FRMD6: variants seen among roughly 807,000 people sequenced by gnomAD.
The protein encoded by FRMD6 is FERM domain-containing protein 6.
Under a neutral mutation model 73.2 loss-of-function variants are expected in FRMD6, and 37 were observed. The observed-to-expected ratio is 0.51, with a 90% confidence interval of 0.39 to 0.66. The LOEUF is 0.66. FRMD6 is among the 30% of genes least tolerant of loss of function. The pLI is 0.00. For missense variants in FRMD6, 714 were observed against 780.5 expected, an observed-to-expected ratio of 0.91 and a Z score of 1.02; for synonymous variants, 273 against 282.2, an observed-to-expected ratio of 0.97 and a Z score of 0.33.
At chr14:51,682,626 C>G (rs545457401) in intron 1 of FRMD6, among the ~76,000 whole-genome samples, 128 of 152,286 alleles carry the variant, frequency 8.4e-4, no homozygotes, top group African/African-American at 2.9e-3. Context: ...AATCAGGATT[C>G]TTTCTGAGCT....
chr14:51,433,650 G>C, the FRMD6 span, among the ~76,000 whole-genome samples: 1 of 152,204 alleles, frequency 6.6e-6, no homozygotes, highest in Non-Finnish European at 1.5e-5. Context: ...GGAGTAACGA[G>C]ATTGGTTACC....
chr14:51,430,179 G>A, the FRMD6 span, among the ~76,000 whole-genome samples: 6 of 152,170 alleles, frequency 3.9e-5, no homozygotes, highest in Admixed American at 2.0e-4. Context: ...ATAGAGTAAT[G>A]AAATTCATGA....
chr14:51,488,615 C>A (rs1355322564), upstream of FRMD6, among the ~76,000 whole-genome samples: 2 of 152,180 alleles, frequency 1.3e-5, no homozygotes, highest in African/African-American at 4.8e-5. Flanking sequence ...TTCTTAAATA[C>A]TGTATTTCAT....
chr14:51,528,927 C>T (rs1885419133), intron 1 of FRMD6, among the ~76,000 whole-genome samples: 1 of 152,172 alleles, frequency 6.6e-6, no homozygotes, highest in Non-Finnish European at 1.5e-5. Context: ...AGAGCTTTCC[C>T]ATCAAAGGGT....
intron 1 of FRMD6, among the ~76,000 whole-genome samples, chr14:51,562,593 C>T (rs577894738): frequency 6.6e-5 from 10 of 152,224 alleles, no homozygotes; most frequent in African/African-American, 2.4e-4. Context: ...AAGAGCATTC[C>T]CTCACTCCAA....
chr14:51,698,565 T>A (rs1056527698), intron 3 of FRMD6, among the ~76,000 whole-genome samples: 1 of 152,146 alleles, frequency 6.6e-6, no homozygotes, highest in Non-Finnish European at 1.5e-5. Flanking sequence ...AGGGAGCAGC[T>A]GGAATACTTA....
At chr14:51,458,914 C>G in the FRMD6 span, among the ~76,000 whole-genome samples, 1 of 152,218 alleles carries the variant, frequency 6.6e-6, no homozygotes, top group East Asian at 1.9e-4. Context: ...AAGGCTGTGA[C>G]TTAGTGGCTT....
chr14:51,500,713 C>T (rs1283556737), intron 1 of FRMD6, among the ~76,000 whole-genome samples: 2 of 152,008 alleles, frequency 1.3e-5, no homozygotes, highest in Non-Finnish European at 2.9e-5. Flanking sequence ...AGTTAAGGAA[C>T]CCTGAAGGCC....
chr14:51,672,510 T>TA (rs1465073736), intron 1 of FRMD6, among the ~76,000 whole-genome samples: 2 of 152,192 alleles, frequency 1.3e-5, no homozygotes, highest in Non-Finnish European at 2.9e-5. Flanking sequence ...ATTAAAAATG[T>TA]AAAAAGACTG....
chr14:51,652,792 T>TA (rs1244343856), intron 1 of FRMD6, among the ~76,000 whole-genome samples: 2 of 152,150 alleles, frequency 1.3e-5, no homozygotes, highest in Non-Finnish European at 2.9e-5. Context: ...CACTGTCAGG[T>TA]ATGGACAGCT....
exon 1 of FRMD6, chr14:51,489,191 A>G (rs898729998): frequency 6.6e-6 from 1 of 152,184 alleles, no homozygotes; most frequent in Non-Finnish European, 1.5e-5. Context: ...CCTTTCCCCC[A>G]ATCTCAATCC....
At position 51,612,923 on chromosome 14, in the gene FRMD6, G is replaced by A. The variant is rs138387502; in HGVS notation, c.-147+42513G>A. 1.1e-3 allele frequency among the ~76,000 whole-genome samples: 173 copies of A among 152,330 alleles called. 2 individuals carry two copies. The highest frequency in any genetic ancestry group is 2.4e-4 in the Non-Finnish European group (16 of 68,032). On this transcript the variant is annotated intron_variant, in intron 2 of 14. Transcript: ENST00000356218. ...GTGCTATAAGAGTCCAAAAGTAGCT[G>A]TAGTTGAGCTAGTGATAATGTGGGG...
At chr14:51,426,449 A>G in the FRMD6 span, among the ~76,000 whole-genome samples, 1 of 152,136 alleles carries the variant, frequency 6.6e-6, no homozygotes, top group Non-Finnish European at 1.5e-5. Context: ...CTTACAACAC[A>G]TGACTTTCTA....
chr14:51,506,984 T>G (rs1412373642), intron 1 of FRMD6, among the ~76,000 whole-genome samples: 1 of 152,148 alleles, frequency 6.6e-6, no homozygotes, highest in Non-Finnish European at 1.5e-5. Flanking sequence ...TCATGAGGAA[T>G]GTGTATTATA....
At chr14:51,555,817 A>G (rs2139467220) in intron 1 of FRMD6, among the ~76,000 whole-genome samples, 1 of 152,234 alleles carries the variant, frequency 6.6e-6, no homozygotes, top group South Asian at 2.1e-4. Flanking sequence ...AAAAAAAAAA[A>G]AAAGTTATCT....
the FRMD6 span, among the ~76,000 whole-genome samples, chr14:51,413,559 T>C: frequency 2.0e-5 from 3 of 152,238 alleles, no homozygotes; most frequent in East Asian, 1.9e-4. Flanking sequence ...CAGTCTATCA[T>C]TGATGGACAT....
At position 51,530,450 on chromosome 14, in the gene FRMD6, C is replaced by T. The variant is rs1596545569; in HGVS notation, c.-209-39898C>T. 2.6e-5 allele frequency among the ~76,000 whole-genome samples: 4 copies of T among 152,152 alleles called. No homozygotes were observed. In the Middle Eastern group the frequency reaches 0.014, roughly 518 times the overall value. On this transcript the variant is annotated intron_variant, in intron 1 of 14. Coordinates refer to the FRMD6 transcript ENST00000356218. ...AAATGTAAAAGTGTGTTGCATCTAC[C>T]TCAATATATTTATTTATTTGTGAGT...
At chr14:51,564,735 C>T (rs906486721) in intron 1 of FRMD6, among the ~76,000 whole-genome samples, 2 of 152,178 alleles carry the variant, frequency 1.3e-5, no homozygotes, top group African/African-American at 4.8e-5. Context: ...AGCAGTTCTC[C>T]TAACAGTTAA....
At chr14:51,695,180 A>G (rs949682227) in intron 2 of FRMD6, among the ~76,000 whole-genome samples, 2 of 152,230 alleles carry the variant, frequency 1.3e-5, no homozygotes, top group African/African-American at 4.8e-5. Context: ...GTTTTTAAAT[A>G]CAGTCAAACT....
Sources: gnomAD v4.1 joint callset for allele counts (sites outside exome capture counted in the v4.1 genomes callset) on GRCh38, gnomAD v4.1.1 for gene constraint, MANE v1.5 for transcripts, NCBI Gene and HGNC (gene_info 2026-07-23, HGNC 2026-07-21) for gene names.